The following TMEM38A variants were observed in gnomAD, a reference collection of about 807,000 sequenced individuals.
The protein encoded by TMEM38A is trimeric intracellular cation channel type A.
TMEM38A carries 17 observed loss-of-function variants against 28.6 expected under a neutral mutation model. The ratio of observed to expected loss-of-function variants is 0.60; its 90% CI spans 0.41 to 0.89. The LOEUF (loss-of-function observed/expected upper bound fraction) is 0.89, where lower values mean the gene tolerates loss of function less well. TMEM38A is among the 40% of genes least tolerant of loss of function. TMEM38A has a pLI of 0.00. For missense variants in TMEM38A, 328 were observed against 393.1 expected (o/e 0.83, Z 1.40); for synonymous variants, 169 against 166.1 (o/e 1.02, Z -0.14).
chr19:16,661,893 G>A lies in TMEM38A; in HGVS notation c.124+552G>A, dbSNP rs996118318. Reference sequence around the variant, plus strand: ...TTCCCCCACGGTGCTGAATCTCCGAGCCCCCACGGGAATTCTTCCAGCCCT... The same window carrying A: ...TTCCCCCACGGTGCTGAATCTCCGAACCCCCACGGGAATTCTTCCAGCCCT... On this transcript the variant is annotated intron_variant, in intron 1 of 5. Transcript: ENST00000187762. This position sits in a 1 kb window ranked among gnomAD's most constrained non-coding sequence, Gnocchi z 6.5. Among the ~76,000 whole-genome samples, 1 of 151,968 alleles carries A rather than the reference G, an allele frequency of 6.6e-6. No homozygotes were observed. Among genetic ancestry groups the A allele is most frequent in the Admixed American group, 6.6e-5 (1 of 15,246 alleles).
chr19:16,679,611 G>A (rs2086770987), intron 1 of TMEM38A, among the ~76,000 whole-genome samples: 1 of 151,926 alleles, frequency 6.6e-6, no homozygotes, highest in African/African-American at 2.4e-5. Flanking sequence ...CAATTTCAAA[G>A]TACTCCCAGG....
Position 16,689,641 on chromosome 19 carries a change from T to G in TMEM38A, c.*1270T>G, listed in dbSNP as rs2250201. On this transcript the variant is annotated 3_prime_UTR_variant, in exon 6 of 6. Coordinates refer to ENST00000187762, the MANE Select transcript of TMEM38A (RefSeq NM_024074.4). ...GTCTCCCTCAGGCTGGAGTCCACTG[T>G]CACTCATTCAGCCATTGAACAAACA... The G allele has an allele frequency of 0.79, 120,162 of 152,218 alleles. 48,638 individuals carry two copies. Among genetic ancestry groups the G allele is most frequent in the Non-Finnish European group, 0.89 (60,743 of 68,112 alleles). 9.4% of individuals were successfully genotyped at this position (152,218 alleles called of 1,614,324 possible).
intron 1 of TMEM38A, among the ~76,000 whole-genome samples, chr19:16,678,477 G>A (rs998250866): frequency 4.0e-5 from 6 of 150,252 alleles, no homozygotes; most frequent in African/African-American, 1.5e-4. Context: ...TGTTTAAAAT[G>A]GGCTGGGCAT....
In TMEM38A at chr19:16,672,446, A is replaced by ATTTTTTTTTTTTT. The variant is rs746189021; in HGVS notation, c.125-7530_125-7518dup. Among the ~76,000 whole-genome samples, 62 of 104,996 alleles carry ATTTTTTTTTTTTT rather than the reference A, an allele frequency of 5.9e-4. 3 individuals carry two copies. The highest frequency in any genetic ancestry group is 2.0e-3 in the African/African-American group (47 of 23,414). The allele number at this position is 104,996 out of a possible 152,430, so 68.9% of individuals were successfully genotyped here. ...TAAAAAAAAATCACAAAAAAACCTCATTTTTTTTTTTTTTTTTTTTGAGGC... is the reference window on the plus strand; with the variant it reads ...TAAAAAAAAATCACAAAAAAACCTCATTTTTTTTTTTTTTTTTTTTTTTTTTTTTTTTTGAGGC... On this transcript the variant is annotated intron_variant, in intron 1 of 5. Transcript: ENST00000187762.
At chr19:16,668,330 AAGCCAGGCGTTGGAGACC>A (rs1421446509) in intron 1 of TMEM38A, among the ~76,000 whole-genome samples, 4 of 151,936 alleles carry the variant, frequency 2.6e-5, no homozygotes, top group Non-Finnish European at 5.9e-5. Context: ...AGATCACTTG[AAGCCAGGCGTTGGAGACC>A]AGCCTGGCCA....
chr19:16,684,216 G>A (rs2086792814), intron 4 of TMEM38A, among the ~76,000 whole-genome samples: 1 of 151,974 alleles, frequency 6.6e-6, no homozygotes, highest in African/African-American at 2.4e-5. Context: ...GCCCACCCCT[G>A]TAATCCCAGC....
intron 4 of TMEM38A, among the ~76,000 whole-genome samples, chr19:16,685,357 G>A (rs991026213): frequency 6.6e-6 from 1 of 152,154 alleles, no homozygotes; most frequent in Non-Finnish European, 1.5e-5. Flanking sequence ...CTGCATTCCA[G>A]CCTGGGTGAC....
rs147475862 is a variant in TMEM38A, at chr19:16,681,530, G to C, written c.467-891G>C. Reference sequence around the variant, plus strand: ...AGTAACAGGAAAGCAGGGAAAGAAGGCCTGAGCAAGTGCCAAAAACCATTG... The same window carrying C: ...AGTAACAGGAAAGCAGGGAAAGAAGCCCTGAGCAAGTGCCAAAAACCATTG... On this transcript the variant is annotated intron_variant, in intron 3 of 5. Transcript: ENST00000187762. Among the ~76,000 whole-genome samples the C allele has an allele frequency of 5.3e-5, 8 of 152,014 alleles. No individual in the cohort carries two copies. In the South Asian group the frequency reaches 1.5e-3, roughly 28 times the overall value.
At chr19:16,667,279 G>GAA (rs11436221) in intron 1 of TMEM38A, among the ~76,000 whole-genome samples, 42 of 145,752 alleles carry the variant, frequency 2.9e-4, no homozygotes, top group African/African-American at 5.8e-4. Flanking sequence ...TCCATTTCAG[G>GAA]AAAAAAAAAA....
chr19:16,687,152 C>T (rs951532306), intron 5 of TMEM38A, among the ~76,000 whole-genome samples: 9 of 152,080 alleles, frequency 5.9e-5, no homozygotes, highest in African/African-American at 1.4e-4. Context: ...GGCAACATGG[C>T]GAAACCCCAT....
At chr19:16,667,040 G>A (rs1049880614) in intron 1 of TMEM38A, among the ~76,000 whole-genome samples, 25 of 151,618 alleles carry the variant, frequency 1.6e-4, no homozygotes, top group Admixed American at 6.6e-4. Context: ...AGGCCGAGGC[G>A]GGCGGATCAC....
chr19:16,673,347 G>T (rs1446912138), intron 1 of TMEM38A, among the ~76,000 whole-genome samples: 1 of 152,154 alleles, frequency 6.6e-6, no homozygotes, highest in Non-Finnish European at 1.5e-5. Context: ...CTCCCAAAGT[G>T]CTGGGTGAGC....
At chr19:16,679,922 A>T in intron 1 of TMEM38A, 62 bp from the exon 2 acceptor site, 3 of 1,527,184 alleles carry the variant, frequency 2.0e-6, no homozygotes, top group Non-Finnish European at 2.6e-6. Context: ...ACCAGAGCAT[A>T]TGGGAGTGAA....
At chr19:16,686,467 T>C (rs1328824896) in intron 5 of TMEM38A, 62 bp downstream of exon 5, 3 of 1,400,912 alleles carry the variant, frequency 2.1e-6, no homozygotes, top group African/African-American at 2.8e-5. Context: ...CACCTCCAGG[T>C]TGGGAGTGGG....
rs371628004 is a variant in TMEM38A, at chr19:16,688,400, G to A, written c.*29G>A. 3.3e-6 allele frequency: 5 copies of A among 1,506,492 alleles called. No homozygotes were observed. The highest frequency in any genetic ancestry group is 3.5e-6 in the Non-Finnish European group (4 of 1,130,110). The allele number at this position is 1,506,492 out of a possible 1,614,324, so 93.3% of individuals were successfully genotyped here. A position where few individuals can be genotyped will look rare whatever the true frequency, so the allele number is the denominator to read the frequency against. ...GTGGCCCAAGGGGCACCGGGGAGAG[G>A]ACCCGGACCCAGGACCCTCTGAGCT... On this transcript the variant is annotated 3_prime_UTR_variant, in exon 6 of 6. Coordinates refer to ENST00000187762, the MANE Select transcript of TMEM38A (RefSeq NM_024074.4).
Position 16,688,425 on chromosome 19 carries a change from T to C in TMEM38A, c.*54T>C. ...GACCCGGACCCAGGACCCTCTGAGC[T>C]GGGAGGCTTCCTGCGCTCAGATCTA... On this transcript the variant is annotated 3_prime_UTR_variant, in exon 6 of 6. Coordinates refer to ENST00000187762, the MANE Select transcript of TMEM38A (RefSeq NM_024074.4). 1 of 1,388,016 alleles carries C rather than the reference T, an allele frequency of 7.2e-7. No individual in the cohort carries two copies. Among genetic ancestry groups the C allele is most frequent in the Non-Finnish European group, 9.5e-7 (1 of 1,055,148 alleles). The allele number at this position is 1,388,016 out of a possible 1,614,324, so 86.0% of individuals were successfully genotyped here. A position where few individuals can be genotyped will look rare whatever the true frequency, so the allele number is the denominator to read the frequency against.
At chr19:16,670,496 T>G (rs1018398419) in intron 1 of TMEM38A, among the ~76,000 whole-genome samples, 3 of 152,114 alleles carry the variant, frequency 2.0e-5, no homozygotes, top group African/African-American at 4.8e-5. Flanking sequence ...CACAGGTACT[T>G]TCCATTTCCG....
Position 16,684,628 on chromosome 19 carries a change from G to A in TMEM38A, c.555-1660G>A, listed in dbSNP as rs749453333. Among the ~76,000 whole-genome samples the A allele has an allele frequency of 3.0e-4, 45 of 152,288 alleles. 1 individual carries two copies. Among genetic ancestry groups the A allele is most frequent in the Non-Finnish European group, 6.0e-4 (41 of 68,030 alleles). On this transcript the variant is annotated intron_variant, in intron 4 of 5. Transcript: ENST00000187762. ...GCATGTTGTAATCACATTTTCTGGG[G>A]GAAATAAGCTGATGGGGGATCCCCA...
chr19:16,675,161 G>A (rs1051910455), intron 1 of TMEM38A, among the ~76,000 whole-genome samples: 1 of 152,102 alleles, frequency 6.6e-6, no homozygotes, highest in Non-Finnish European at 1.5e-5. Context: ...CCCTCTTCTG[G>A]CTTGCAGATG....
Sources: gnomAD v4.1 joint callset for allele counts (sites outside exome capture counted in the v4.1 genomes callset) on GRCh38, gnomAD v4.1.1 for gene constraint, Gnocchi (gnomAD v3.1) non-coding constraint, MANE v1.5 for transcripts, NCBI Gene and HGNC (gene_info 2026-07-23, HGNC 2026-07-21) for gene names.